The following CTIF variants were observed in gnomAD, a reference collection of about 807,000 sequenced individuals.
CTIF encodes CBP80/20-dependent translation initiation factor.
Under a neutral mutation model 66.0 loss-of-function variants are expected in CTIF, and 21 were observed. The ratio of observed to expected loss-of-function variants is 0.32; its 90% CI spans 0.23 to 0.46. The LOEUF (loss-of-function observed/expected upper bound fraction) is 0.46. Among genes scored for constraint, CTIF ranks in the 20% least tolerant of loss-of-function variants. The pLI is 1.00. For synonymous variants in CTIF, 345 were observed against 326.4 expected, an observed-to-expected ratio of 1.06 and a Z score of -0.62; for missense variants, 739 against 812.7, an observed-to-expected ratio of 0.91 and a Z score of 1.10.
At chr18:48,637,407 T>C (rs957517943) in intron 3 of CTIF, among the ~76,000 whole-genome samples, 2 of 152,290 alleles carry the variant, frequency 1.3e-5, no homozygotes, top group East Asian at 1.9e-4. Flanking sequence ...CAGGAGCCTG[T>C]GGGATTAGAG....
At chr18:48,698,104 TAAAAAAAAAAAAAAAAAAAAAA>T (rs527429582) in intron 6 of CTIF, among the ~76,000 whole-genome samples, 639 of 13,084 alleles carry the variant, frequency 0.049, 48 homozygotes, top group South Asian at 0.43. Context: ...TAGCCATCAT[TAAAAAAAAAAAAAAAAAAAAAA>T]AAAAAAAAAA....
intron 1 of CTIF, among the ~76,000 whole-genome samples, chr18:48,576,500 G>A (rs1333763064): frequency 6.6e-6 from 1 of 152,248 alleles, no homozygotes; most frequent in Non-Finnish European, 1.5e-5. Flanking sequence ...TGCTCACGTT[G>A]AGAGTCCTCT....
chr18:48,837,894 G>A (rs1383436280), intron 10 of CTIF, among the ~76,000 whole-genome samples: 1 of 152,144 alleles, frequency 6.6e-6, no homozygotes, highest in African/African-American at 2.4e-5. Context: ...GCGAGGCTAA[G>A]AATCCCCCAC....
At chr18:48,629,398 ACT>A (rs1011019292) in intron 2 of CTIF, among the ~76,000 whole-genome samples, 3 of 152,256 alleles carry the variant, frequency 2.0e-5, no homozygotes, top group African/African-American at 7.2e-5. Context: ...TTGTACCCAC[ACT>A]CTCTCTCTAA....
chr18:48,793,846 A>G (rs1415320113), intron 9 of CTIF, among the ~76,000 whole-genome samples: 1 of 152,182 alleles, frequency 6.6e-6, no homozygotes, highest in Non-Finnish European at 1.5e-5. Flanking sequence ...GTTTTGGGGG[A>G]AAAGCCTGAT....
At position 48,705,256 on chromosome 18, in the gene CTIF, C is replaced by A. The variant is rs185082552; in HGVS notation, c.508-6363C>A. On this transcript the variant is annotated intron_variant, in intron 6 of 11. Transcript: ENST00000256413. ...GGCTCTAGGGGAGGAGCCTTCTGCA[C>A]TTCTTCCCAGCTTCCCGTGGCTGCC... Among the ~76,000 whole-genome samples, 9 of 152,322 alleles carry A rather than the reference C, an allele frequency of 5.9e-5. No homozygotes were observed. The East Asian group carries it at 1.4e-3, about 23-fold the overall frequency.
At chr18:48,618,023 C>T (rs61233594) in intron 1 of CTIF, among the ~76,000 whole-genome samples, 3,224 of 152,276 alleles carry the variant, frequency 0.021, 117 homozygotes, top group African/African-American at 0.071. Context: ...CTCCTTCCCC[C>T]GGGCAGTTCT....
At chr18:48,847,264 C>T (rs76059186) in intron 10 of CTIF, among the ~76,000 whole-genome samples, 15 of 145,844 alleles carry the variant, frequency 1.0e-4, no homozygotes, top group South Asian at 2.2e-4. Flanking sequence ...GCCGAGATCA[C>T]GCTACTGCAT....
rs545099029 is a variant in CTIF at position 48,655,071 on chromosome 18, A to G, written c.253-8681A>G. On this transcript the variant is annotated intron_variant, in intron 3 of 11. Coordinates refer to ENST00000256413, the MANE Select transcript of CTIF (RefSeq NM_014772.3). Reference sequence around the variant, plus strand: ...AAACCAACATGGCACATGTATACCTATATAACAAACCTGCGCATTGTGCAC... The same window carrying G: ...AAACCAACATGGCACATGTATACCTGTATAACAAACCTGCGCATTGTGCAC... 3.0e-4 allele frequency among the ~76,000 whole-genome samples: 45 copies of G among 152,190 alleles called. 1 individual carries two copies. Among genetic ancestry groups the G allele is most frequent in the African/African-American group, 1.0e-3 (43 of 41,496 alleles).
chr18:48,844,304 A>C (rs934003713), intron 10 of CTIF, among the ~76,000 whole-genome samples: 3 of 152,194 alleles, frequency 2.0e-5, no homozygotes, highest in African/African-American at 7.2e-5. Context: ...AGGCACTGTG[A>C]ACAGAACTAG....
rs2146702645 is a variant in CTIF at position 48,860,939 on chromosome 18, T to A, written c.*1380T>A. On this transcript the variant is annotated 3_prime_UTR_variant, in exon 12 of 12. Coordinates refer to ENST00000256413, the MANE Select transcript of CTIF (RefSeq NM_014772.3). ...GTGTGGGGTGGAACAGGTGTCCACATAGCTCCATCTCTGGGGGCTGGAGCA... is the reference window on the plus strand; with the variant it reads ...GTGTGGGGTGGAACAGGTGTCCACAAAGCTCCATCTCTGGGGGCTGGAGCA... The A allele has an allele frequency of 6.6e-6, 1 of 152,364 alleles. No homozygotes were observed. The highest frequency in any genetic ancestry group is 2.4e-5 in the African/African-American group (1 of 41,570). The allele number at this position is 152,364 out of a possible 1,614,324, so 9.4% of individuals were successfully genotyped here. A position where few individuals can be genotyped will look rare whatever the true frequency, so the allele number is the denominator to read the frequency against.
intron 9 of CTIF, among the ~76,000 whole-genome samples, chr18:48,794,949 G>T (rs2067880058): frequency 6.6e-6 from 1 of 152,072 alleles, no homozygotes; most frequent in East Asian, 1.9e-4. Flanking sequence ...GGTCAGGGTG[G>T]GTGAGTAGAT....
intron 10 of CTIF, among the ~76,000 whole-genome samples, chr18:48,838,422 G>A (rs2068861909): frequency 6.6e-6 from 1 of 152,048 alleles, no homozygotes; most frequent in African/African-American, 2.4e-5. Context: ...CCGCCTGGAA[G>A]ATGTCTCACC....
At chr18:48,551,300 TTTC>T (rs2088874688) in intron 1 of CTIF, among the ~76,000 whole-genome samples, 1 of 151,890 alleles carries the variant, frequency 6.6e-6, no homozygotes, top group African/African-American at 2.4e-5. Context: ...AATAAATACA[TTTC>T]TGCTGATGAA....
At chr18:48,784,800 A>C (rs1911559003) in intron 9 of CTIF, among the ~76,000 whole-genome samples, 1 of 152,182 alleles carries the variant, frequency 6.6e-6, no homozygotes, top group African/African-American at 2.4e-5. Flanking sequence ...GTTAACATGC[A>C]TCAGCACCAC....
At chr18:48,683,352 G>GT (rs1373667493) in intron 6 of CTIF, among the ~76,000 whole-genome samples, 1 of 149,882 alleles carries the variant, frequency 6.7e-6, no homozygotes. Context: ...CCTGTCCCTT[G>GT]GACCCCTGCT....
At chr18:48,730,806 G>A (rs2092450325) in intron 7 of CTIF, among the ~76,000 whole-genome samples, 1 of 150,546 alleles carries the variant, frequency 6.6e-6, no homozygotes, top group Admixed American at 6.6e-5. Flanking sequence ...TGGTGTGAGG[G>A]GCCTCTGGCA....
intron 6 of CTIF, among the ~76,000 whole-genome samples, chr18:48,702,270 A>T (rs28580143): frequency 6.6e-6 from 1 of 152,232 alleles, no homozygotes; most frequent in Non-Finnish European, 1.5e-5. Context: ...AGTCTTGCCC[A>T]TTCCAGCGAC....
chr18:48,713,722 T>G (rs770441189), intron 7 of CTIF, among the ~76,000 whole-genome samples: 86 of 152,086 alleles, frequency 5.7e-4, no homozygotes, highest in Non-Finnish European at 1.1e-3. Context: ...CATGAAAGAT[T>G]TATACGGAGA....
Sources: allele counts gnomAD v4.1 joint callset (sites outside exome capture counted in the v4.1 genomes callset), GRCh38; gene constraint gnomAD v4.1.1; transcripts MANE v1.5; gene names NCBI Gene and HGNC (gene_info 2026-07-23, HGNC 2026-07-21).